The following ERC2 variants were observed in gnomAD, a reference collection of about 807,000 sequenced individuals.
The protein encoded by ERC2 is ELKS/RAB6-interacting/CAST family member 2.
Under a neutral mutation model 114.8 loss-of-function variants are expected in ERC2, and 42 were observed. The ratio of observed to expected loss-of-function variants is 0.37; its 90% CI spans 0.29 to 0.47. The LOEUF (loss-of-function observed/expected upper bound fraction) is 0.47, where lower values mean the gene tolerates loss of function less well. Ranked by LOEUF, ERC2 falls within the 20% of genes least tolerant of loss-of-function variation. The probability of loss-of-function intolerance (pLI) is 0.99; values close to 1 mark genes in which losing one functional copy is unlikely to be tolerated. For missense variants in ERC2, 939 were observed against 1,150.7 expected, an observed-to-expected ratio of 0.82 and a Z score of 2.66; for synonymous variants, 454 against 425.5, an observed-to-expected ratio of 1.07 and a Z score of -0.82.
At chr3:56,022,018 T>C (rs970967638) in intron 7 of ERC2, among the ~76,000 whole-genome samples, 2 of 152,318 alleles carry the variant, frequency 1.3e-5, no homozygotes, top group African/African-American at 2.4e-5. Flanking sequence ...TTGTGAACAG[T>C]GCTGCAACGA....
At chr3:55,678,598 G>A (rs1183286955) in intron 17 of ERC2, among the ~76,000 whole-genome samples, 23 of 152,178 alleles carry the variant, frequency 1.5e-4, no homozygotes, top group Admixed American at 1.5e-3. Context: ...CACTCTTGAA[G>A]TTAGACTTCA....
chr3:55,950,448 C>T lies in ERC2; in HGVS notation c.2380G>A (p.Ala794Thr). ...ACCTGCAAATGCTGTGAGTTGTCAG[C>T]CATGCTGTCTTCTCGCCTGCGCACT... ...EEVRRREDSM[A>T]DNSQHLQIEE... is the part of the protein sequence containing the mutation. The change falls in exon 13 of 18, where the codon GCT (alanine) becomes ACT (threonine). Residue 794 changes from alanine to threonine, a missense_variant. Ala to Thr is a moderately conservative substitution (Grantham distance 58). Around this residue, in one of 5 missense-constraint regions of ERC2, gnomAD observed 328 missense variants for 353.9 expected, o/e 0.93. Coordinates refer to ENST00000288221, the MANE Select transcript of ERC2 (RefSeq NM_015576.3). 1 of 1,614,028 alleles carries T rather than the reference C, an allele frequency of 6.2e-7. No homozygotes were observed. The highest frequency in any genetic ancestry group is 2.2e-5 in the East Asian group (1 of 44,876).
chr3:55,985,956 A>G (rs1304610666), intron 12 of ERC2, 21 bp downstream of exon 12: 1 of 1,538,738 alleles, frequency 6.5e-7, no homozygotes, highest in South Asian at 1.2e-5. Context: ...GGCAGTTAGA[A>G]GAAAAACTGA....
chr3:56,154,326 A>T (rs2081581231), intron 4 of ERC2, among the ~76,000 whole-genome samples: 1 of 152,218 alleles, frequency 6.6e-6, no homozygotes, highest in Non-Finnish European at 1.5e-5. Context: ...AGATTAGAAA[A>T]TGACATGAGA....
rs113261536 is a variant in ERC2 at position 55,777,076 on chromosome 3, T to TAAA, written c.2565-42161_2565-42159dup. 3.1e-4 allele frequency among the ~76,000 whole-genome samples: 46 copies of TAAA among 149,534 alleles called. 1 individual carries two copies. Among genetic ancestry groups the TAAA allele is most frequent in the East Asian group, 9.8e-4 (5 of 5,104 alleles). Reference sequence around the variant, plus strand: ...CACCCCAAAGGCAGTTAAAAATACATAAAAAAAAAATAATAACAGCAATAT... The same window carrying TAAA: ...CACCCCAAAGGCAGTTAAAAATACATAAAAAAAAAAAAATAATAACAGCAATAT... On this transcript the variant is annotated intron_variant, in intron 14 of 17. Coordinates refer to ENST00000288221, the MANE Select transcript of ERC2 (RefSeq NM_015576.3).
chr3:55,902,978 T>C (rs1028181978), intron 13 of ERC2, among the ~76,000 whole-genome samples: 3 of 152,216 alleles, frequency 2.0e-5, no homozygotes, highest in African/African-American at 7.2e-5. Flanking sequence ...ACTTTTGTCT[T>C]TCTGGATTAT....
At chr3:55,849,807 G>T (rs2061498900) in intron 14 of ERC2, among the ~76,000 whole-genome samples, 1 of 152,158 alleles carries the variant, frequency 6.6e-6, no homozygotes, top group South Asian at 2.1e-4. Context: ...TTCCAGGACT[G>T]CCCAAATTAG....
chr3:55,535,460 A>T (rs1445637145), intron 17 of ERC2, among the ~76,000 whole-genome samples: 1 of 152,182 alleles, frequency 6.6e-6, no homozygotes, highest in Non-Finnish European at 1.5e-5. Flanking sequence ...ATTCTAAGCC[A>T]CAATTGAGGG....
chr3:55,888,016 C>G (rs1171380492), intron 14 of ERC2, among the ~76,000 whole-genome samples: 3 of 152,228 alleles, frequency 2.0e-5, no homozygotes, highest in South Asian at 4.1e-4. Flanking sequence ...TAGGAAATAA[C>G]TCCTCAGAAA....
intron 1 of ERC2, among the ~76,000 whole-genome samples, chr3:56,462,768 G>T (rs1463532803): frequency 6.6e-6 from 1 of 152,198 alleles, no homozygotes; most frequent in Admixed American, 6.5e-5. Flanking sequence ...GTATGTATCA[G>T]TGAGGAGTAT....
chr3:56,317,977 A>T (rs1180176892), intron 2 of ERC2, among the ~76,000 whole-genome samples: 1 of 152,164 alleles, frequency 6.6e-6, no homozygotes, highest in Non-Finnish European at 1.5e-5. Context: ...TTTGTCACAA[A>T]CATTCCTAAG....
At chr3:55,862,936 G>A (rs1244087189) in intron 14 of ERC2, among the ~76,000 whole-genome samples, 1 of 152,180 alleles carries the variant, frequency 6.6e-6, no homozygotes, top group African/African-American at 2.4e-5. Flanking sequence ...CATTACTGGA[G>A]AGCCTGTGCC....
At chr3:55,951,633 C>T (rs773646928) in intron 12 of ERC2, among the ~76,000 whole-genome samples, 2 of 152,072 alleles carry the variant, frequency 1.3e-5, no homozygotes, top group Non-Finnish European at 1.5e-5. Flanking sequence ...GAGGGCAGTA[C>T]GGAGGGCTCG....
Position 56,055,338 on chromosome 3 carries a change from A to C in ERC2, c.1641+25479T>G, listed in dbSNP as rs115081947. ...TCATAGTTGCCTTTGAGTTTCAGAG[A>C]TTTTCACTCCCAGCAGAATAGCAAA... On this transcript the variant is annotated intron_variant, in intron 7 of 17. Coordinates refer to ENST00000288221, the MANE Select transcript of ERC2 (RefSeq NM_015576.3). 6.1e-3 allele frequency among the ~76,000 whole-genome samples: 931 copies of C among 152,238 alleles called. 15 individuals carry two copies. Among genetic ancestry groups the C allele is most frequent in the African/African-American group, 0.022 (894 of 41,542 alleles).
intron 3 of ERC2, among the ~76,000 whole-genome samples, chr3:56,213,207 C>T (rs987866526): frequency 1.3e-5 from 2 of 152,194 alleles, no homozygotes; most frequent in African/African-American, 4.8e-5. Flanking sequence ...TGAGCCAAAG[C>T]AAGGCGAGGC....
At chr3:55,962,024 G>T (rs1033990994) in intron 12 of ERC2, among the ~76,000 whole-genome samples, 1 of 152,250 alleles carries the variant, frequency 6.6e-6, no homozygotes, top group South Asian at 2.1e-4. Context: ...GGTAGGTGAT[G>T]ATGAATACTA....
chr3:56,017,517 A>G (rs936488221), intron 8 of ERC2, among the ~76,000 whole-genome samples: 1 of 152,092 alleles, frequency 6.6e-6, no homozygotes, highest in African/African-American at 2.4e-5. Flanking sequence ...AGGGCCTGTG[A>G]AATCTGCTGC....
chr3:55,861,242 T>C (rs2062015092), intron 14 of ERC2, among the ~76,000 whole-genome samples: 1 of 152,244 alleles, frequency 6.6e-6, no homozygotes, highest in African/African-American at 2.4e-5. Flanking sequence ...TCCATCATTC[T>C]TGAGGAACCT....
chr3:56,440,627 C>A (rs909123443), intron 1 of ERC2, among the ~76,000 whole-genome samples: 2 of 151,536 alleles, frequency 1.3e-5, no homozygotes, highest in Non-Finnish European at 1.5e-5. Flanking sequence ...GAGGCTGAGG[C>A]AGGAGGATTG....
Sources: gnomAD v4.1 joint callset for allele counts (sites outside exome capture counted in the v4.1 genomes callset) on GRCh38, gnomAD v4.1.1 for gene constraint, gnomAD v4.1.1 regional missense constraint, MANE v1.5 for transcripts, NCBI Gene and HGNC (gene_info 2026-07-23, HGNC 2026-07-21) for gene names.